HTR4: variants seen among roughly 807,000 people sequenced by gnomAD.
The protein encoded by HTR4 is 5-hydroxytryptamine (serotonin) receptor 4, G protein-coupled.
HTR4 carries 16 observed loss-of-function variants against 36.8 expected under a neutral mutation model. That is an observed-to-expected ratio of 0.43 (90% CI 0.29 to 0.66). The LOEUF is 0.66. Among genes scored for constraint, HTR4 ranks in the 30% least tolerant of loss-of-function variants. The probability of loss-of-function intolerance (pLI) is 0.13; values close to 1 mark genes in which losing one functional copy is unlikely to be tolerated. For synonymous variants in HTR4, 189 were observed against 185.1 expected, an observed-to-expected ratio of 1.02 and a Z score of -0.17; for missense variants, 438 against 490.9, an observed-to-expected ratio of 0.89 and a Z score of 1.02.
chr5:148,546,201 A>G (rs1308723230), intron 4 of HTR4, among the ~76,000 whole-genome samples: 1 of 152,192 alleles, frequency 6.6e-6, no homozygotes, highest in Non-Finnish European at 1.5e-5. Context: ...ATGGCTAGTT[A>G]CAAGAAACTG....
At chr5:148,507,115 G>C (rs748664581) in intron 6 of HTR4, among the ~76,000 whole-genome samples, 2 of 151,888 alleles carry the variant, frequency 1.3e-5, no homozygotes, top group African/African-American at 4.8e-5. Flanking sequence ...CAAACACTTG[G>C]AACCAACCCA....
At chr5:148,530,645 A>C (rs868473045) in intron 4 of HTR4, among the ~76,000 whole-genome samples, 1 of 152,204 alleles carries the variant, frequency 6.6e-6, no homozygotes, top group Non-Finnish European at 1.5e-5. Context: ...GCCCCTGTGC[A>C]GAGTCCCTAC....
At chr5:148,539,380 C>A (rs1342741175) in intron 4 of HTR4, among the ~76,000 whole-genome samples, 3 of 151,906 alleles carry the variant, frequency 2.0e-5, no homozygotes, top group Non-Finnish European at 4.4e-5. Context: ...CAAGTGGGAT[C>A]TAAACTTAAG....
At chr5:148,538,078 A>T (rs1581443078) in intron 4 of HTR4, among the ~76,000 whole-genome samples, 1 of 152,184 alleles carries the variant, frequency 6.6e-6, no homozygotes, top group East Asian at 1.9e-4. Flanking sequence ...GGTTCAACAT[A>T]CACAAACCAA....
chr5:148,474,998 T>A (rs895431565), downstream of HTR4, among the ~76,000 whole-genome samples: 3 of 151,802 alleles, frequency 2.0e-5, no homozygotes, highest in Non-Finnish European at 4.4e-5. Context: ...TGAGCCGAGA[T>A]GGCGCCACTG....
chr5:148,516,616 C>T (rs748783869), intron 5 of HTR4, among the ~76,000 whole-genome samples: 2 of 146,644 alleles, frequency 1.4e-5, no homozygotes, highest in African/African-American at 5.3e-5. Flanking sequence ...CCGCACCTGG[C>T]CAAAAATTCC....
intron 2 of HTR4, among the ~76,000 whole-genome samples, chr5:148,624,231 T>C (rs1337000312): frequency 9.2e-5 from 14 of 152,200 alleles, no homozygotes; most frequent in Admixed American, 8.5e-4. Context: ...ATTCTACAAA[T>C]AGCTGTAATG....
chr5:148,558,441 AT>A (rs1760052728), intron 2 of HTR4, among the ~76,000 whole-genome samples: 1 of 152,156 alleles, frequency 6.6e-6, no homozygotes, highest in Admixed American at 6.5e-5. Context: ...GTAATTGCAA[AT>A]TCTTTCTCTA....
intron 5 of HTR4, among the ~76,000 whole-genome samples, chr5:148,516,712 A>G (rs1757777547): frequency 6.7e-6 from 1 of 149,318 alleles, no homozygotes; most frequent in Non-Finnish European, 1.5e-5. Flanking sequence ...TTCTGTGTTC[A>G]TGGTTTTTGG....
chr5:148,553,045 G>C (rs976249078), intron 2 of HTR4, among the ~76,000 whole-genome samples: 3 of 152,340 alleles, frequency 2.0e-5, no homozygotes, highest in African/African-American at 4.8e-5. Flanking sequence ...TTTGAAATAA[G>C]AGTAGATTCA....
intron 2 of HTR4, among the ~76,000 whole-genome samples, chr5:148,582,775 C>A (rs182371792): frequency 6.6e-6 from 1 of 152,042 alleles, no homozygotes; most frequent in African/African-American, 2.4e-5. Flanking sequence ...GATTTTTGTA[C>A]GTTGATTTTG....
intron 4 of HTR4, among the ~76,000 whole-genome samples, chr5:148,540,310 G>T (rs115938108): frequency 6.8e-6 from 1 of 147,592 alleles, no homozygotes; most frequent in Non-Finnish European, 1.5e-5. Context: ...TGTATACAAC[G>T]AACCCCTGTG....
chr5:148,517,536 C>T (rs1469023408), intron 5 of HTR4, among the ~76,000 whole-genome samples: 3 of 151,920 alleles, frequency 2.0e-5, no homozygotes, highest in African/African-American at 4.8e-5. Flanking sequence ...ATTCTCATCT[C>T]GATTGATGGT....
At chr5:148,537,086 A>T (rs146195270) in intron 4 of HTR4, among the ~76,000 whole-genome samples, 3 of 152,328 alleles carry the variant, frequency 2.0e-5, no homozygotes, top group African/African-American at 7.2e-5. Flanking sequence ...TAAGAAAATT[A>T]CTCAAAGTCA....
At chr5:148,600,129 T>C (rs556477967) in intron 2 of HTR4, among the ~76,000 whole-genome samples, 3 of 151,194 alleles carry the variant, frequency 2.0e-5, no homozygotes, top group Admixed American at 6.6e-5. Context: ...TACATTCAAA[T>C]ATATTTGAAT....
chr5:148,539,585 G>A (rs1759005259), intron 4 of HTR4, among the ~76,000 whole-genome samples: 2 of 152,260 alleles, frequency 1.3e-5, no homozygotes, highest in African/African-American at 2.4e-5. Context: ...CTTTTCAAAA[G>A]AGGACATATA....
At position 148,654,352 on chromosome 5, in the gene HTR4, C is replaced by T; in HGVS notation, c.-338G>A. ...ACTCCACGGGCTCAACAGCCCCCAG[C>T]CCCGGTGGTCCCCGCTGCCCTGCCC... On this transcript the variant is annotated 5_prime_UTR_variant, in exon 1 of 7. Transcript: ENST00000377888. The T allele has an allele frequency of 1.0e-6, 1 of 985,460 alleles. No homozygotes were observed. Among genetic ancestry groups the T allele is most frequent in the African/African-American group, 1.7e-5 (1 of 57,374 alleles). 61.0% of individuals were successfully genotyped at this position (985,460 alleles called of 1,614,324 possible). A position where few individuals can be genotyped will look rare whatever the true frequency, so the allele number is the denominator to read the frequency against.
chr5:148,607,523 C>CCCCCAA (rs1752230019), intron 2 of HTR4, among the ~76,000 whole-genome samples: 1 of 152,088 alleles, frequency 6.6e-6, no homozygotes, highest in Non-Finnish European at 1.5e-5. Flanking sequence ...ACTTTCTTTT[C>CCCCCAA]CTAAGAAGGC....
intron 5 of HTR4, among the ~76,000 whole-genome samples, chr5:148,461,247 C>CA (rs980335296): frequency 3.3e-5 from 5 of 151,670 alleles, no homozygotes; most frequent in African/African-American, 1.2e-4. Context: ...AAATAGAAGA[C>CA]AAAAAATTAA....
Sources: gnomAD v4.1 joint callset for allele counts (sites outside exome capture counted in the v4.1 genomes callset) on GRCh38, gnomAD v4.1.1 for gene constraint, MANE v1.5 for transcripts, NCBI Gene and HGNC (gene_info 2026-07-23, HGNC 2026-07-21) for gene names.